ADAMTS16: variants seen among roughly 807,000 people sequenced by gnomAD.
ADAMTS16 encodes the protein ADAM metallopeptidase with thrombospondin type 1 motif 16, also known as A disintegrin and metalloproteinase with thrombospondin motifs 16.
A neutral mutation model predicts 145.8 loss-of-function variants in ADAMTS16; 94 were observed. The ratio of observed to expected loss-of-function variants is 0.64; its 90% CI spans 0.55 to 0.77. The LOEUF (loss-of-function observed/expected upper bound fraction) is 0.77. Among genes scored for constraint, ADAMTS16 ranks in the 30% least tolerant of loss-of-function variants. ADAMTS16 has a pLI of 0.00. For missense variants in ADAMTS16, 1,585 were observed against 1,591.5 expected (o/e 1.00, Z 0.07); for synonymous variants, 659 against 604.3 (o/e 1.09, Z -1.33).
At chr5:5,222,022 A>G (rs549519890) in intron 10 of ADAMTS16, among the ~76,000 whole-genome samples, 3 of 152,388 alleles carry the variant, frequency 2.0e-5, no homozygotes, top group Middle Eastern at 3.4e-3. Flanking sequence ...CCAGCATTCC[A>G]GAAGGTTCCA....
chr5:5,200,046 C>T (rs1735913249), intron 8 of ADAMTS16, 86 bp from the exon 9 acceptor site: 1 of 1,459,458 alleles, frequency 6.9e-7, no homozygotes, highest in African/African-American at 1.4e-5. Context: ...GTCTCACAGT[C>T]TTGACTTGTA....
rs1172832720 is a variant in ADAMTS16, at chr5:5,310,718, C to T, written c.3411+3990C>T. Reference sequence around the variant, plus strand: ...GCCCTCCCTCAACCTCCAGAAGGCACCACCTCTGCTGCTCATACCTTAATT... The same window carrying T: ...GCCCTCCCTCAACCTCCAGAAGGCATCACCTCTGCTGCTCATACCTTAATT... On this transcript the variant is annotated intron_variant, in intron 21 of 22. Coordinates refer to ENST00000274181, the MANE Select transcript of ADAMTS16 (RefSeq NM_139056.4). The surrounding 1 kb of genome is among the most constrained non-coding windows in gnomAD (Gnocchi z 4.3). Among the ~76,000 whole-genome samples the T allele has an allele frequency of 6.6e-6, 1 of 152,210 alleles. No individual in the cohort carries two copies. The highest frequency in any genetic ancestry group is 1.9e-4 in the East Asian group (1 of 5,184).
chr5:5,241,794 G>T (rs1478214848), intron 16 of ADAMTS16, among the ~76,000 whole-genome samples: 1 of 151,910 alleles, frequency 6.6e-6, no homozygotes, highest in Non-Finnish European at 1.5e-5. Context: ...AGTTGCAAAA[G>T]TGTTTGAAGT....
chr5:5,316,997 A>G (rs2964154), intron 21 of ADAMTS16, among the ~76,000 whole-genome samples: 129,809 of 152,158 alleles, frequency 0.85, 55,492 homozygotes, highest in Admixed American at 0.9. Flanking sequence ...CCATACCTAG[A>G]TTAATTTTGG....
chr5:5,305,244 A>AC (rs1404099143), intron 20 of ADAMTS16, among the ~76,000 whole-genome samples: 3 of 37,536 alleles, frequency 8.0e-5, no homozygotes, highest in African/African-American at 1.0e-4. Context: ...ACACACACAC[A>AC]ATCCCACACC....
At chr5:5,281,778 A>T (rs1738923321) in intron 18 of ADAMTS16, among the ~76,000 whole-genome samples, 1 of 152,226 alleles carries the variant, frequency 6.6e-6, no homozygotes, top group Admixed American at 6.5e-5. Context: ...TAGGCAATGA[A>T]TGTAAATGAC....
chr5:5,144,044 G>A (rs1734232329), intron 2 of ADAMTS16, among the ~76,000 whole-genome samples: 1 of 152,018 alleles, frequency 6.6e-6, no homozygotes, highest in African/African-American at 2.4e-5. Flanking sequence ...GTTGATGGGT[G>A]CAGCAAACCA....
intron 17 of ADAMTS16, among the ~76,000 whole-genome samples, chr5:5,245,754 A>G (rs1369583790): frequency 1.3e-5 from 2 of 152,146 alleles, no homozygotes; most frequent in Non-Finnish European, 2.9e-5. Context: ...TATCTCTTAC[A>G]ATGGGCCCAT....
At chr5:5,311,866 G>A (rs960191437) in intron 21 of ADAMTS16, among the ~76,000 whole-genome samples, 11 of 151,662 alleles carry the variant, frequency 7.3e-5, no homozygotes, top group African/African-American at 2.2e-4. Flanking sequence ...ACAGGCACCC[G>A]CCACCACGCC....
chr5:5,195,906 A>G (rs1238671829), intron 8 of ADAMTS16, among the ~76,000 whole-genome samples: 2 of 152,194 alleles, frequency 1.3e-5, no homozygotes, highest in Non-Finnish European at 2.9e-5. Flanking sequence ...AAGAGACCAC[A>G]CAGGGACAAT....
chr5:5,262,858 T>C (rs1738082262), intron 18 of ADAMTS16, 75 bp downstream of exon 18: 3 of 1,578,022 alleles, frequency 1.9e-6, no homozygotes, highest in Non-Finnish European at 2.6e-6. Flanking sequence ...AGCTCCTGAT[T>C]TCGAGAGAGA....
chr5:5,147,196 T>C (rs1157440802), intron 3 of ADAMTS16, among the ~76,000 whole-genome samples: 2 of 152,180 alleles, frequency 1.3e-5, no homozygotes, highest in African/African-American at 4.8e-5. Flanking sequence ...GAAAAATCTT[T>C]GGAGATTCTT....
intron 3 of ADAMTS16, among the ~76,000 whole-genome samples, chr5:5,155,578 T>C (rs1025744713): frequency 6.6e-6 from 1 of 152,104 alleles, no homozygotes; most frequent in African/African-American, 2.4e-5. Context: ...ATTCAGACGT[T>C]TGGAGCTGGG....
At chr5:5,270,393 C>T (rs1448491778) in intron 18 of ADAMTS16, among the ~76,000 whole-genome samples, 1 of 152,214 alleles carries the variant, frequency 6.6e-6, no homozygotes, top group Non-Finnish European at 1.5e-5. Context: ...GCCTGCCTCC[C>T]TGGGCTCGAC....
At chr5:5,270,678 A>G (rs2126450724) in intron 18 of ADAMTS16, among the ~76,000 whole-genome samples, 1 of 152,324 alleles carries the variant, frequency 6.6e-6, no homozygotes, top group Non-Finnish European at 1.5e-5. Flanking sequence ...TGAGTTGGGA[A>G]CATAGATTTT....
intron 11 of ADAMTS16, among the ~76,000 whole-genome samples, chr5:5,225,527 C>T (rs1322114625): frequency 2.0e-5 from 3 of 151,774 alleles, no homozygotes; most frequent in Non-Finnish European, 4.4e-5. Flanking sequence ...AACTTGAACC[C>T]GGAGACGGAG....
intron 11 of ADAMTS16, among the ~76,000 whole-genome samples, chr5:5,225,490 C>G (rs1736733698): frequency 6.6e-6 from 1 of 152,128 alleles, no homozygotes; most frequent in Non-Finnish European, 1.5e-5. Flanking sequence ...GTAGTCCCAG[C>G]TGCTCGGGAG....
intron 21 of ADAMTS16, among the ~76,000 whole-genome samples, chr5:5,314,165 G>A (rs6899009): frequency 1.3e-5 from 2 of 152,174 alleles, no homozygotes; most frequent in Non-Finnish European, 1.5e-5. Context: ...GTGGAAAGTT[G>A]CAGGGCAGAA....
Position 5,303,679 on chromosome 5 carries a change from G to A in ADAMTS16, c.3099G>A (p.Glu1033=), listed in dbSNP as rs749372913. 2 of 1,613,736 alleles carry A rather than the reference G, an allele frequency of 1.2e-6. No homozygotes were observed. Among genetic ancestry groups the A allele is most frequent in the African/African-American group, 1.3e-5 (1 of 74,950 alleles). The change falls in exon 20 of 23, where the codon GAG becomes GAA. Residue 1033 remains glutamate, a synonymous_variant. Transcript: ENST00000274181. ...QLLPDAVCTS[E]PKPRMHEACL... ...TGCCCGACGCTGTCTGCACCTCCGA[G>A]CCCAAGCCCAGGATGCATGAAGCCT...
Sources: allele counts gnomAD v4.1 joint callset (sites outside exome capture counted in the v4.1 genomes callset), GRCh38; gene constraint gnomAD v4.1.1; non-coding constraint Gnocchi (gnomAD v3.1); transcripts MANE v1.5; gene names NCBI Gene and HGNC (gene_info 2026-07-23, HGNC 2026-07-21).